F8: variants seen among roughly 807,000 people sequenced by gnomAD.
The protein encoded by F8 is antihemophilic factor.
Under a neutral mutation model 140.6 loss-of-function variants are expected in F8, and 12 were observed. The observed-to-expected ratio is 0.09, with a 90% CI of 0.05 to 0.14. F8 has a LOEUF of 0.14. Among genes scored for constraint, F8 ranks in the 10% least tolerant of loss-of-function variants. The pLI, the probability that F8 is intolerant of heterozygous loss-of-function variation, is 1.00. For missense variants in F8, 1,354 were observed against 1,720.7 expected, an observed-to-expected ratio of 0.79 and a Z score of 3.77; for synonymous variants, 585 against 614.6, an observed-to-expected ratio of 0.95 and a Z score of 0.71.
intron 2 of F8, among the ~76,000 whole-genome samples, chrX:154,997,611 G>A (rs1441681141): frequency 9.0e-6 from 1 of 111,602 alleles, no homozygotes; most frequent in African/African-American, 3.3e-5. Context: ...ATTGAAAACA[G>A]ATAAAACAAA....
At chrX:154,953,447 C>T (rs1407306610) in intron 12 of F8, among the ~76,000 whole-genome samples, 1 of 111,967 alleles carries the variant, frequency 8.9e-6, no homozygotes, top group Non-Finnish European at 1.9e-5. Context: ...TTGCCCACAT[C>T]CTGATCTCAA....
At chrX:154,952,455 G>A (rs1317999936) in intron 12 of F8, among the ~76,000 whole-genome samples, 1 of 111,641 alleles carries the variant, frequency 9.0e-6, no homozygotes, top group Non-Finnish European at 1.9e-5. Context: ...TGAGAGGAGG[G>A]GCATAGAATT....
At chrX:154,987,944 T>C (rs781996868) in intron 4 of F8, among the ~76,000 whole-genome samples, 71 of 112,262 alleles carry the variant, frequency 6.3e-4, no homozygotes, top group Non-Finnish European at 1.2e-3. Flanking sequence ...TTTTTGTTTA[T>C]GACATTTTGC....
At chrX:154,992,068 A>T (rs782348992) in intron 4 of F8, among the ~76,000 whole-genome samples, 9 of 112,133 alleles carry the variant, frequency 8.0e-5, no homozygotes, top group Non-Finnish European at 1.7e-4. Context: ...GAGAGAGATC[A>T]TGTGGAGAGT....
chrX:155,002,647 G>A (rs901402581), intron 1 of F8, among the ~76,000 whole-genome samples: 2 of 93,479 alleles, frequency 2.1e-5, no homozygotes, highest in African/African-American at 4.6e-5. Context: ...ACACACACAC[G>A]GATCTGTTTC....
At chrX:154,876,310 G>C (rs1309555617) in intron 22 of F8, among the ~76,000 whole-genome samples, 2 of 109,148 alleles carry the variant, frequency 1.8e-5, no homozygotes, top group South Asian at 4.0e-4. Context: ...TAGTAGAGAC[G>C]GTGTTTCACC....
At chrX:154,980,406 C>A (rs782044065) in intron 6 of F8, among the ~76,000 whole-genome samples, 1 of 111,154 alleles carries the variant, frequency 9.0e-6, no homozygotes, top group East Asian at 2.8e-4. Flanking sequence ...TGAATTGTTT[C>A]TCTGTGTTTT....
chrX:154,843,740 C>T (rs12395153), intron 25 of F8, among the ~76,000 whole-genome samples: 1,386 of 111,724 alleles, frequency 0.012, 24 homozygotes, highest in African/African-American at 0.043. Flanking sequence ...ATTTGTAGCT[C>T]GCCTGTTCAC....
intron 5 of F8, among the ~76,000 whole-genome samples, chrX:154,985,270 C>A (rs2073552800): frequency 9.1e-6 from 1 of 110,230 alleles, no homozygotes; most frequent in African/African-American, 3.3e-5. Flanking sequence ...ACCCTATCCC[C>A]ACTAAAAATA....
rs1186170911 is a variant in F8 at position 154,847,694 on chromosome X, T to C, written c.6901-9942A>G. Among the ~76,000 whole-genome samples the C allele has an allele frequency of 2.7e-5, 3 of 112,174 alleles. No homozygotes were observed. The East Asian group carries it at 8.4e-4, about 31-fold the overall frequency. ...CTAGTTAGCCATTCATCTAACCTTT[T>C]TTTTCAAGGTTTTTAGCTTCTTTGT... On this transcript the variant is annotated intron_variant, in intron 25 of 25. Transcript: ENST00000360256.
Position 154,966,071 on chromosome X carries a change from T to C in F8, c.1342A>G (p.Met448Val), listed in dbSNP as rs1557281959. The change falls in exon 9 of 26, where the codon ATG (methionine) becomes GTG (valine). Residue 448 changes from methionine to valine, a missense_variant. By Grantham distance (21) the Met-to-Val change is conservative. Transcript: ENST00000360256. ...IGRKYKKVRF[M>V]AYTDETFKTR... ...TTAAAGGTTTCATCTGTGTATGCCA[T>C]AAATCGGACTTTTTTGTACTTCCTA... 2.5e-6 allele frequency: 3 copies of C among 1,210,614 alleles called. No individual in the cohort carries two copies. In the Admixed American group the frequency reaches 6.5e-5, roughly 26 times the overall value.
chrX:154,937,634 T>A (rs1246309148), intron 13 of F8, among the ~76,000 whole-genome samples: 2 of 111,277 alleles, frequency 1.8e-5, no homozygotes, highest in Non-Finnish European at 3.8e-5. Flanking sequence ...GAAAGGGACA[T>A]ATTTCTAGAA....
At chrX:154,922,916 A>G (rs967419074) in intron 14 of F8, among the ~76,000 whole-genome samples, 1 of 112,105 alleles carries the variant, frequency 8.9e-6, no homozygotes, top group Non-Finnish European at 1.9e-5. Flanking sequence ...AGCAGAGAAC[A>G]GTGATCAGAA....
At chrX:154,949,603 C>T (rs782443040) in intron 12 of F8, among the ~76,000 whole-genome samples, 1 of 111,782 alleles carries the variant, frequency 8.9e-6, no homozygotes, top group Non-Finnish European at 1.9e-5. Context: ...AACAATATAC[C>T]ACAGACTGGG....
At chrX:154,918,053 G>C (rs1386065095) in intron 14 of F8, among the ~76,000 whole-genome samples, 1 of 111,710 alleles carries the variant, frequency 9.0e-6, no homozygotes, top group Non-Finnish European at 1.9e-5. Context: ...GCTTAGTTTG[G>C]TTTTTCAGGA....
Position 154,874,748 on chromosome X carries a change from T to G in F8, c.6430-11521A>C, listed in dbSNP as rs933128717. 2.7e-5 allele frequency among the ~76,000 whole-genome samples: 3 copies of G among 112,450 alleles called. No individual in the cohort carries two copies. The Admixed American group carries it at 2.8e-4, about 11-fold the overall frequency. On this transcript the variant is annotated intron_variant, in intron 22 of 25. Transcript: ENST00000360256. ...GAGAAAAGGAAACCTTTGTACACTGTTGCTGCAAAAATAAATTGGTACAGC... is the reference window on the plus strand; with the variant it reads ...GAGAAAAGGAAACCTTTGTACACTGGTGCTGCAAAAATAAATTGGTACAGC...
chrX:154,858,229 C>A (rs1286730920), intron 25 of F8, among the ~76,000 whole-genome samples: 1 of 112,260 alleles, frequency 8.9e-6, no homozygotes, highest in Admixed American at 9.4e-5. Flanking sequence ...GGCTCATGAA[C>A]AAAGTAGCCA....
intron 25 of F8, among the ~76,000 whole-genome samples, chrX:154,847,193 C>A (rs1426436780): frequency 1.8e-5 from 2 of 112,229 alleles, no homozygotes; most frequent in Non-Finnish European, 3.8e-5. Context: ...GTAACCCGAA[C>A]TTTCTGTCTG....
chrX:154,855,991 A>G (rs1311856555), intron 25 of F8, among the ~76,000 whole-genome samples: 4 of 112,045 alleles, frequency 3.6e-5, no homozygotes, highest in Non-Finnish European at 5.6e-5. Flanking sequence ...ACATGGGCCC[A>G]CTAAGCAGAG....
Sources: gnomAD v4.1 joint callset for allele counts (sites outside exome capture counted in the v4.1 genomes callset) on GRCh38, gnomAD v4.1.1 for gene constraint, MANE v1.5 for transcripts, NCBI Gene and HGNC (gene_info 2026-07-23, HGNC 2026-07-21) for gene names.